SGCZ: variants seen among roughly 807,000 people sequenced by gnomAD.
The protein encoded by SGCZ is sarcoglycan zeta.
Under a neutral mutation model 41.3 loss-of-function variants are expected in SGCZ, and 40 were observed. That is an observed-to-expected ratio of 0.97 (90% confidence interval 0.75 to 1.26). The LOEUF is 1.26. SGCZ is among the 50% of genes most tolerant of loss of function. SGCZ has a pLI of 0.00. For synonymous variants in SGCZ, 206 were observed against 137.5 expected (o/e 1.50, Z -3.49); for missense variants, 552 against 369.8 (o/e 1.49, Z -4.04).
At chr8:14,931,438 T>G (rs1020216241) in intron 1 of SGCZ, among the ~76,000 whole-genome samples, 1 of 152,070 alleles carries the variant, frequency 6.6e-6, no homozygotes, top group Non-Finnish European at 1.5e-5. Flanking sequence ...TTGGATATAT[T>G]TACTAGTGTT....
At chr8:14,379,253 T>C (rs1288135825) in intron 2 of SGCZ, among the ~76,000 whole-genome samples, 2 of 152,194 alleles carry the variant, frequency 1.3e-5, no homozygotes, top group African/African-American at 4.8e-5. Context: ...CTCACCATTT[T>C]AAGTAACGAT....
intron 1 of SGCZ, among the ~76,000 whole-genome samples, chr8:15,062,580 C>A (rs969630789): frequency 2.0e-5 from 3 of 152,114 alleles, no homozygotes; most frequent in African/African-American, 7.2e-5. Context: ...TTGGGAAAAT[C>A]AGCCCATCTG....
intron 2 of SGCZ, among the ~76,000 whole-genome samples, chr8:14,523,562 G>T (rs933213453): frequency 2.0e-5 from 3 of 151,936 alleles, no homozygotes; most frequent in African/African-American, 7.2e-5. Flanking sequence ...CTACAGATAA[G>T]GTGTTATTTC....
intron 1 of SGCZ, among the ~76,000 whole-genome samples, chr8:14,912,331 T>A (rs1585372426): frequency 6.6e-6 from 1 of 151,866 alleles, no homozygotes; most frequent in Admixed American, 6.6e-5. Context: ...ATGACAGAGA[T>A]CTCCAATATG....
intron 1 of SGCZ, among the ~76,000 whole-genome samples, chr8:14,795,829 C>T (rs1393735406): frequency 2.6e-5 from 4 of 152,106 alleles, no homozygotes; most frequent in Non-Finnish European, 2.9e-5. Context: ...TCCTCCCACC[C>T]TCCACCCTCC....
At chr8:15,140,766 G>C (rs574896137) in intron 1 of SGCZ, among the ~76,000 whole-genome samples, 2 of 152,162 alleles carry the variant, frequency 1.3e-5, no homozygotes, top group East Asian at 3.9e-4. Context: ...TATCCATCAA[G>C]ACAGCTCAGT....
intron 3 of SGCZ, among the ~76,000 whole-genome samples, chr8:14,289,892 T>C (rs1452323925): frequency 1.3e-5 from 2 of 151,590 alleles, no homozygotes; most frequent in Admixed American, 6.6e-5. Context: ...GGGAGGCCTC[T>C]GTAAACTTAC....
At chr8:14,927,846 T>C (rs1480756709) in intron 1 of SGCZ, among the ~76,000 whole-genome samples, 2 of 152,130 alleles carry the variant, frequency 1.3e-5, no homozygotes, top group Non-Finnish European at 2.9e-5. Flanking sequence ...ATACATATAG[T>C]ACCAAGATTT....
chr8:14,546,093 C>T (rs766506503), intron 2 of SGCZ, among the ~76,000 whole-genome samples: 8 of 152,124 alleles, frequency 5.3e-5, no homozygotes, highest in African/African-American at 1.2e-4. Context: ...GAGCTGCATA[C>T]GGAAGGGTAT....
intron 1 of SGCZ, among the ~76,000 whole-genome samples, chr8:14,716,877 C>A (rs1263232951): frequency 6.6e-6 from 1 of 152,002 alleles, no homozygotes; most frequent in Non-Finnish European, 1.5e-5. Flanking sequence ...TTCTATAAAG[C>A]CTACTTCCTC....
chr8:14,828,960 T>G (rs1471546899), intron 1 of SGCZ, among the ~76,000 whole-genome samples: 1 of 114,072 alleles, frequency 8.8e-6, no homozygotes, highest in African/African-American at 4.5e-5. Flanking sequence ...AGTCCTTTTT[T>G]TTGTTTGTTT....
At chr8:14,803,654 G>A (rs1404107616) in intron 1 of SGCZ, among the ~76,000 whole-genome samples, 3 of 152,054 alleles carry the variant, frequency 2.0e-5, no homozygotes, top group Non-Finnish European at 4.4e-5. Flanking sequence ...GCTGGGGGAG[G>A]GGCGCCCGCC....
intron 1 of SGCZ, among the ~76,000 whole-genome samples, chr8:14,853,933 G>A (rs1215818875): frequency 6.7e-6 from 1 of 149,206 alleles, no homozygotes; most frequent in African/African-American, 2.5e-5. Context: ...CACCTTTCAA[G>A]GATCTTTCAA....
At chr8:14,376,868 T>A (rs918080639) in intron 2 of SGCZ, among the ~76,000 whole-genome samples, 2 of 152,180 alleles carry the variant, frequency 1.3e-5, no homozygotes, top group Admixed American at 6.5e-5. Context: ...CAATGCCAGT[T>A]AAATATTGGA....
At chr8:14,223,414 A>G (rs1273956085) in intron 4 of SGCZ, among the ~76,000 whole-genome samples, 1 of 152,206 alleles carries the variant, frequency 6.6e-6, no homozygotes, top group Non-Finnish European at 1.5e-5. Context: ...GACATATACT[A>G]TAGAGTTCAG....
intron 1 of SGCZ, among the ~76,000 whole-genome samples, chr8:15,012,494 AT>A (rs1259746235): frequency 1.5e-4 from 21 of 137,396 alleles, no homozygotes; most frequent in African/African-American, 5.5e-4. Context: ...TATATATAAA[AT>A]AAATGTATAA....
chr8:14,920,929 A>T (rs545937582), intron 1 of SGCZ, among the ~76,000 whole-genome samples: 6 of 152,316 alleles, frequency 3.9e-5, no homozygotes, highest in African/African-American at 1.2e-4. Context: ...AGCCATCAGC[A>T]TAGTGGCTTC....
intron 2 of SGCZ, among the ~76,000 whole-genome samples, chr8:14,453,591 G>A (rs1270965833): frequency 1.3e-5 from 2 of 152,168 alleles, no homozygotes; most frequent in Non-Finnish European, 2.9e-5. Flanking sequence ...GAAAATGATT[G>A]AAGGTGGTAA....
intron 1 of SGCZ, among the ~76,000 whole-genome samples, chr8:15,174,915 A>C (rs1001642877): frequency 3.3e-5 from 5 of 150,170 alleles, no homozygotes; most frequent in African/African-American, 1.3e-4. Flanking sequence ...AAATTAATTC[A>C]ACTGTCATGG....
Sources: gnomAD v4.1 joint callset for allele counts (sites outside exome capture counted in the v4.1 genomes callset) on GRCh38, gnomAD v4.1.1 for gene constraint, MANE v1.5 for transcripts, NCBI Gene and HGNC (gene_info 2026-07-23, HGNC 2026-07-21) for gene names.